The following BCAS3 variants were observed in gnomAD, a reference collection of about 807,000 sequenced individuals.
The protein encoded by BCAS3 is BCAS3 microtubule associated cell migration factor.
In BCAS3, 53 loss-of-function variants were observed where a neutral mutation model predicts 116.1. The observed-to-expected ratio is 0.46, with a 90% CI of 0.37 to 0.57. The LOEUF is 0.57. Among genes scored for constraint, BCAS3 ranks in the 20% least tolerant of loss-of-function variants. The pLI is 0.00. For missense variants in BCAS3, 917 were observed against 1,165.4 expected, an observed-to-expected ratio of 0.79 and a Z score of 3.10; for synonymous variants, 391 against 408.2, an observed-to-expected ratio of 0.96 and a Z score of 0.51.
At position 61,042,846 on chromosome 17, in the gene BCAS3, C is replaced by T. The variant is rs150850353; in HGVS notation, c.2029+1954C>T. ...TGGAGGTTGCAGTGAGCCAAGATCA[C>T]GCCCTTGCATTCCAGCCTAGGCAAC... On this transcript the variant is annotated intron_variant, in intron 19 of 23. Transcript: ENST00000407086. Among the ~76,000 whole-genome samples, 790 of 138,750 alleles carry T rather than the reference C, an allele frequency of 5.7e-3. 11 individuals are homozygous for T. Among genetic ancestry groups the T allele is most frequent in the Middle Eastern group, 0.032 (8 of 248 alleles). 91.0% of individuals were successfully genotyped at this position (138,750 alleles called of 152,430 possible). A position where few individuals can be genotyped will look rare whatever the true frequency, so the allele number is the denominator to read the frequency against.
chr17:60,901,704 T>A (rs2057906231), intron 10 of BCAS3, among the ~76,000 whole-genome samples: 1 of 152,174 alleles, frequency 6.6e-6, no homozygotes, highest in South Asian at 2.1e-4. Context: ...AATAAAAGGA[T>A]TACATATCAG....
At chr17:60,872,573 C>A (rs114326633) in intron 8 of BCAS3, among the ~76,000 whole-genome samples, 4,563 of 149,330 alleles carry the variant, frequency 0.031, 176 homozygotes, top group East Asian at 0.092. Flanking sequence ...CCATATATAT[C>A]TGTATGTATA....
At chr17:60,692,931 A>G (rs2035055922) in intron 4 of BCAS3, among the ~76,000 whole-genome samples, 1 of 151,918 alleles carries the variant, frequency 6.6e-6, no homozygotes, top group African/African-American at 2.4e-5. Flanking sequence ...CCATGTCACC[A>G]AACTGAAACT....
intron 5 of BCAS3, among the ~76,000 whole-genome samples, chr17:60,746,420 T>A (rs956713835): frequency 3.9e-5 from 6 of 152,176 alleles, no homozygotes; most frequent in Non-Finnish European, 4.4e-5. Flanking sequence ...CTTTACCTTT[T>A]GTTCTTCTTT....
intron 21 of BCAS3, 98 bp downstream of exon 21, chr17:61,078,627 C>T (rs990124565): frequency 5.7e-6 from 6 of 1,058,358 alleles, no homozygotes; most frequent in Non-Finnish European, 6.9e-6. Flanking sequence ...CCTTTTGGCA[C>T]AGTATCATGT....
rs969143619 is a variant in BCAS3, at chr17:61,211,822, C to T, written c.2425+127258C>T. ...AGTATGTTTACTGGGTAAAATATTT[C>T]AGGCATAGACTTGGAGAGCAAGCTG... On this transcript the variant is annotated intron_variant, in intron 22 of 23. Coordinates refer to ENST00000407086, the MANE Select transcript of BCAS3 (RefSeq NM_017679.5). The surrounding 1 kb of genome is among the most constrained non-coding windows in gnomAD (Gnocchi z 4.4). 1.3e-5 allele frequency among the ~76,000 whole-genome samples: 2 copies of T among 152,212 alleles called. No homozygotes were observed. Among genetic ancestry groups the T allele is most frequent in the African/African-American group, 4.8e-5 (2 of 41,450 alleles).
chr17:61,039,894 A>G (rs185821503), intron 18 of BCAS3, among the ~76,000 whole-genome samples: 8 of 152,374 alleles, frequency 5.3e-5, no homozygotes. Context: ...TAAGGGGAAT[A>G]GAAACTAATA....
intron 5 of BCAS3, among the ~76,000 whole-genome samples, chr17:60,715,354 T>TGAAG (rs2038463880): frequency 6.6e-6 from 1 of 151,636 alleles, no homozygotes; most frequent in African/African-American, 2.4e-5. Flanking sequence ...CCAGGCTGGT[T>TGAAG]TCAAACTCCT....
rs182072723 is a variant in BCAS3, at chr17:61,296,000, T to G, written c.2426-72327T>G. Among the ~76,000 whole-genome samples, 187 of 152,108 alleles carry G rather than the reference T, an allele frequency of 1.2e-3. 1 individual carries two copies. Among genetic ancestry groups the G allele is most frequent in the African/African-American group, 4.4e-3 (181 of 41,526 alleles). ...AGAAATTTCCGTAGGTCATCACAAT[T>G]TTCAACACAACAGTTGCTTAGACAG... On this transcript the variant is annotated intron_variant, in intron 22 of 23. Coordinates refer to ENST00000407086, the MANE Select transcript of BCAS3 (RefSeq NM_017679.5).
chr17:60,766,443 C>T (rs1010349870), intron 6 of BCAS3, among the ~76,000 whole-genome samples: 1 of 152,214 alleles, frequency 6.6e-6, no homozygotes, highest in African/African-American at 2.4e-5. Context: ...TTCTAACAGT[C>T]AGGTCCCTCA....
intron 22 of BCAS3, among the ~76,000 whole-genome samples, chr17:61,328,890 CTTTTTTTTTTT>C (rs922578027): frequency 8.2e-6 from 1 of 122,596 alleles, no homozygotes; most frequent in Non-Finnish European, 1.7e-5. Context: ...GACGCAGGCT[CTTTTTTTTTTT>C]TTTTTTTTTT....
At chr17:61,311,020 T>C (rs1413254553) in intron 22 of BCAS3, among the ~76,000 whole-genome samples, 1 of 152,206 alleles carries the variant, frequency 6.6e-6, no homozygotes, top group Non-Finnish European at 1.5e-5. Flanking sequence ...GCCTCGGTTT[T>C]TTCATGTGTA....
At chr17:61,115,039 G>T (rs2075337854) in intron 22 of BCAS3, among the ~76,000 whole-genome samples, 1 of 150,682 alleles carries the variant, frequency 6.6e-6, no homozygotes. Flanking sequence ...CTAGCCATAT[G>T]TAGAAAGCTG....
chr17:61,338,816 A>T (rs2056916930), intron 22 of BCAS3, among the ~76,000 whole-genome samples: 1 of 132,682 alleles, frequency 7.5e-6, no homozygotes, highest in African/African-American at 2.7e-5. Context: ...CTGAAAAGTT[A>T]TTTTTTTTCA....
chr17:60,692,818 C>CCAGGAGGTGGAGGATCGTTTGAACG (rs2035034454), intron 4 of BCAS3, among the ~76,000 whole-genome samples: 1 of 151,714 alleles, frequency 6.6e-6, no homozygotes, highest in Non-Finnish European at 1.5e-5. Context: ...TCGTTTGAAC[C>CCAGGAGGTGGAGGATCGTTTGAACG]CAGGAGGTGG....
Position 61,051,807 on chromosome 17 carries a change from A to G in BCAS3, c.2029+10915A>G, listed in dbSNP as rs897904099. Among the ~76,000 whole-genome samples, 1 of 152,150 alleles carries G rather than the reference A, an allele frequency of 6.6e-6. No individual in the cohort carries two copies. Among genetic ancestry groups the G allele is most frequent in the African/African-American group, 2.4e-5 (1 of 41,438 alleles). ...AAAGAAAAACAGGAAATTTTGTGAG[A>G]TGGCACTAAATCCATACTCAAGGGA... On this transcript the variant is annotated intron_variant, in intron 19 of 23. Coordinates refer to ENST00000407086, the MANE Select transcript of BCAS3 (RefSeq NM_017679.5). The surrounding 1 kb of genome is among the most constrained non-coding windows in gnomAD (Gnocchi z 4.1).
intron 23 of BCAS3, among the ~76,000 whole-genome samples, chr17:61,382,376 T>C (rs1473147623): frequency 6.6e-6 from 1 of 150,782 alleles, no homozygotes; most frequent in Non-Finnish European, 1.5e-5. Flanking sequence ...TTCTCCTGCC[T>C]CAGCCTCCCC....
At chr17:60,780,628 T>C (rs1221059148) in intron 6 of BCAS3, among the ~76,000 whole-genome samples, 2 of 152,168 alleles carry the variant, frequency 1.3e-5, no homozygotes, top group Non-Finnish European at 2.9e-5. Context: ...GTCATGTTAG[T>C]ACTTTAGGTA....
In BCAS3 at chr17:61,044,776, CT is replaced by C. The variant is rs869234681; in HGVS notation, c.2029+3898del. 4.1e-3 allele frequency among the ~76,000 whole-genome samples: 579 copies of C among 141,532 alleles called. 4 individuals are homozygous for C. The highest frequency in any genetic ancestry group is 6.6e-3 in the African/African-American group (257 of 38,732). The allele number at this position is 141,532 out of a possible 152,430, so 92.9% of individuals were successfully genotyped here. A position where few individuals can be genotyped will look rare whatever the true frequency, so the allele number is the denominator to read the frequency against. On this transcript the variant is annotated intron_variant, in intron 19 of 23. Transcript: ENST00000407086. ...TGATCAGTGAAATGATGCTAAAGTC[CT>C]TTTTTTTTTTTTTGAGATGGAGTCT... is the stretch of plus-strand genomic sequence containing the variant.
Sources: gnomAD v4.1 joint callset for allele counts (sites outside exome capture counted in the v4.1 genomes callset) on GRCh38, gnomAD v4.1.1 for gene constraint, Gnocchi (gnomAD v3.1) non-coding constraint, MANE v1.5 for transcripts, NCBI Gene and HGNC (gene_info 2026-07-23, HGNC 2026-07-21) for gene names.